AOAH: variants seen among roughly 807,000 people sequenced by gnomAD.
AOAH encodes acyloxyacyl hydrolase.
AOAH carries 64 observed loss-of-function variants against 92.2 expected under a neutral mutation model. That is an observed-to-expected ratio of 0.69 (90% CI 0.57 to 0.86). The LOEUF (loss-of-function observed/expected upper bound fraction) is 0.86. Among genes scored for constraint, AOAH ranks in the 40% least tolerant of loss-of-function variants. AOAH has a pLI of 0.00. For synonymous variants in AOAH, 263 were observed against 254.5 expected (o/e 1.03, Z -0.32); for missense variants, 656 against 694.6 (o/e 0.94, Z 0.62).
intron 19 of AOAH, among the ~76,000 whole-genome samples, chr7:36,527,130 C>T (rs1784438955): frequency 1.3e-5 from 2 of 152,114 alleles, no homozygotes; most frequent in Admixed American, 1.3e-4. Context: ...TAGTTCATAA[C>T]CAGTTGGAGA....
chr7:36,527,294 A>G (rs938880585), intron 19 of AOAH, among the ~76,000 whole-genome samples: 1 of 152,204 alleles, frequency 6.6e-6, no homozygotes, highest in Non-Finnish European at 1.5e-5. Context: ...AGGATGTGAA[A>G]TTGTGAATTT....
At chr7:36,606,185 G>A (rs996290754) in intron 11 of AOAH, among the ~76,000 whole-genome samples, 1 of 152,194 alleles carries the variant, frequency 6.6e-6, no homozygotes, top group African/African-American at 2.4e-5. Context: ...GAGGCTTTAT[G>A]TGCAGTGATA....
At chr7:36,684,124 C>G (rs1309522350) in intron 2 of AOAH, among the ~76,000 whole-genome samples, 2 of 152,146 alleles carry the variant, frequency 1.3e-5, no homozygotes, top group Non-Finnish European at 2.9e-5. Flanking sequence ...GATTTCAAGC[C>G]TCAGGCTTGA....
At chr7:36,673,099 G>A (rs1385941392) in intron 3 of AOAH, among the ~76,000 whole-genome samples, 1 of 152,112 alleles carries the variant, frequency 6.6e-6, no homozygotes, top group African/African-American at 2.4e-5. Flanking sequence ...ACTGTTTTGG[G>A]TGGTGGGTTC....
At chr7:36,714,570 AATCCTC>A (rs1265740584) in intron 1 of AOAH, among the ~76,000 whole-genome samples, 1 of 152,182 alleles carries the variant, frequency 6.6e-6, no homozygotes, top group Non-Finnish European at 1.5e-5. Context: ...TCGATGCAAA[AATCCTC>A]AATAAAATAC....
chr7:36,560,523 G>A (rs1787186033), intron 13 of AOAH, among the ~76,000 whole-genome samples: 1 of 152,030 alleles, frequency 6.6e-6, no homozygotes, highest in East Asian at 1.9e-4. Flanking sequence ...TCCTGATTTG[G>A]CTCTCAGCTT....
chr7:36,577,443 G>A (rs1583860978), intron 12 of AOAH, among the ~76,000 whole-genome samples: 1 of 152,136 alleles, frequency 6.6e-6, no homozygotes, highest in South Asian at 2.1e-4. Flanking sequence ...GAACTGGGTG[G>A]AGTTGAGCTC....
At chr7:36,620,274 C>A (rs1467415444) in intron 9 of AOAH, among the ~76,000 whole-genome samples, 1 of 152,064 alleles carries the variant, frequency 6.6e-6, no homozygotes, top group Middle Eastern at 3.2e-3. Context: ...CTTTTCTTCC[C>A]TTTTCTTTCC....
intron 6 of AOAH, among the ~76,000 whole-genome samples, chr7:36,630,237 C>T (rs1009530298): frequency 6.6e-6 from 1 of 152,162 alleles, no homozygotes; most frequent in South Asian, 2.1e-4. Flanking sequence ...TCTAAGCCAC[C>T]CAGTTTGTGG....
chr7:36,674,027 G>T lies in AOAH; in HGVS notation c.224-18C>A. The T allele has an allele frequency of 6.8e-7, 1 of 1,479,112 alleles. No homozygotes were observed. Among genetic ancestry groups the T allele is most frequent in the Non-Finnish European group, 9.4e-7 (1 of 1,060,228 alleles). 91.6% of individuals were successfully genotyped at this position (1,479,112 alleles called of 1,614,324 possible). On this transcript the variant is annotated intron_variant, in intron 2 of 20. Coordinates refer to ENST00000617537, the MANE Select transcript of AOAH (RefSeq NM_001637.4). ...CAGTTTTTCTAAAAAATATAAAGAGGGAAATTGAATATATTTTTATTGCGA... is the reference window on the plus strand; with the variant it reads ...CAGTTTTTCTAAAAAATATAAAGAGTGAAATTGAATATATTTTTATTGCGA...
intron 20 of AOAH, chr7:36,514,538 T>A (rs1383900387): frequency 6.5e-7 from 1 of 1,535,994 alleles, no homozygotes; most frequent in Non-Finnish European, 8.7e-7. Context: ...CCATTCTTGG[T>A]TGTCCAGTGT....
chr7:36,612,336 C>A (rs944872633), intron 11 of AOAH, among the ~76,000 whole-genome samples: 1 of 152,092 alleles, frequency 6.6e-6, no homozygotes, highest in Non-Finnish European at 1.5e-5. Flanking sequence ...TGTTGCTTAA[C>A]CGATTATCAT....
intron 20 of AOAH, among the ~76,000 whole-genome samples, chr7:36,513,777 T>TC (rs1790181824): frequency 6.6e-6 from 1 of 152,160 alleles, no homozygotes; most frequent in Admixed American, 6.5e-5. Context: ...AAGCAGTTCT[T>TC]CCCCAGATGA....
At chr7:36,588,454 T>C (rs1789509341) in intron 12 of AOAH, among the ~76,000 whole-genome samples, 1 of 152,264 alleles carries the variant, frequency 6.6e-6, no homozygotes, top group South Asian at 2.1e-4. Context: ...ACCACCTCTC[T>C]GGTTAATTAT....
At chr7:36,543,075 G>C (rs1051441769) in intron 15 of AOAH, among the ~76,000 whole-genome samples, 4 of 152,106 alleles carry the variant, frequency 2.6e-5, no homozygotes, top group South Asian at 2.1e-4. Context: ...GTCTCTTAAG[G>C]GGGGAGAGAA....
chr7:36,635,814 C>T (rs73687588), intron 5 of AOAH, among the ~76,000 whole-genome samples: 4,527 of 152,110 alleles, frequency 0.03, 224 homozygotes, highest in African/African-American at 0.1. Context: ...TTAACCTACC[C>T]GAGACTCAGT....
At chr7:36,523,629 G>GTTTTTTTTTTTTTTTTTTTTTT (rs57628897) in intron 19 of AOAH, among the ~76,000 whole-genome samples, 1 of 100,138 alleles carries the variant, frequency 1.0e-5, no homozygotes, top group Non-Finnish European at 1.8e-5. Context: ...TGTTTTGCCT[G>GTTTTTTTTTTTTTTTTTTTTTT]TTTTTTTTTT....
At chr7:36,673,144 A>C (rs1254060475) in intron 3 of AOAH, among the ~76,000 whole-genome samples, 1 of 152,204 alleles carries the variant, frequency 6.6e-6, no homozygotes, top group Non-Finnish European at 1.5e-5. Flanking sequence ...TAACTAAATA[A>C]GAATATAAAA....
intron 2 of AOAH, among the ~76,000 whole-genome samples, chr7:36,678,592 T>TGC (rs1473265670): frequency 1.4e-4 from 15 of 108,274 alleles, no homozygotes; most frequent in African/African-American, 8.2e-4. Context: ...TGTGTGTGTG[T>TGC]GTGTGTGTGC....
Sources: gnomAD v4.1 joint callset for allele counts (sites outside exome capture counted in the v4.1 genomes callset) on GRCh38, gnomAD v4.1.1 for gene constraint, MANE v1.5 for transcripts, NCBI Gene and HGNC (gene_info 2026-07-23, HGNC 2026-07-21) for gene names.